The following MAP3K15 variants were observed in gnomAD, a reference collection of about 807,000 sequenced individuals.
MAP3K15 encodes MAPK/ERK kinase kinase 15.
A neutral mutation model predicts 99.5 loss-of-function variants in MAP3K15; 124 were observed. That is an observed-to-expected ratio of 1.25 (90% CI 1.08 to 1.45). The LOEUF (loss-of-function observed/expected upper bound fraction) is 1.45, where lower values mean the gene tolerates loss of function less well. Among genes scored for constraint, MAP3K15 ranks in the 40% most tolerant of loss-of-function variants. The probability of loss-of-function intolerance (pLI) is 0.00; values close to 1 mark genes in which losing one functional copy is unlikely to be tolerated. For synonymous variants in MAP3K15, 494 were observed against 439.6 expected, an observed-to-expected ratio of 1.12 and a Z score of -1.55; for missense variants, 1,242 against 1,079.7, an observed-to-expected ratio of 1.15 and a Z score of -2.11.
At chrX:19,411,681 GGAA>G (rs1356667501) in intron 11 of MAP3K15, among the ~76,000 whole-genome samples, 2 of 110,020 alleles carry the variant, frequency 1.8e-5, no homozygotes, top group Non-Finnish European at 3.8e-5. Flanking sequence ...CTAAAGTGGG[GGAA>G]GAAGGAAGCC....
At chrX:19,501,883 T>C (rs2147424130) in intron 1 of MAP3K15, among the ~76,000 whole-genome samples, 1 of 111,240 alleles carries the variant, frequency 9.0e-6, no homozygotes, top group Admixed American at 9.6e-5. Flanking sequence ...CTGGCCAACA[T>C]GGTGAAACCC....
chrX:19,402,556 A>G (rs1362027568), intron 13 of MAP3K15, among the ~76,000 whole-genome samples: 1 of 111,969 alleles, frequency 8.9e-6, no homozygotes, highest in Non-Finnish European at 1.9e-5. Context: ...AATAACCCCC[A>G]AACAGAAACA....
At chrX:19,462,093 A>C in intron 4 of MAP3K15, among the ~76,000 whole-genome samples, 1 of 111,220 alleles carries the variant, frequency 9.0e-6, no homozygotes, top group African/African-American at 3.3e-5. Context: ...TGTTCATTAA[A>C]AAGAGAGTAA....
chrX:19,361,041 G>A (rs2063279119), intron 28 of MAP3K15: 1 of 419,425 alleles, frequency 2.4e-6, no homozygotes, highest in African/African-American at 2.5e-5. Context: ...GGAACAAGAA[G>A]GCAGGCTGCA....
At chrX:19,463,473 C>T (rs182025773) in intron 4 of MAP3K15, among the ~76,000 whole-genome samples, 31 of 111,698 alleles carry the variant, frequency 2.8e-4, no homozygotes, top group Non-Finnish European at 5.3e-4. Flanking sequence ...ACACAACTTA[C>T]AGGAATAAAT....
intron 1 of MAP3K15, among the ~76,000 whole-genome samples, chrX:19,507,615 A>T (rs2064487771): frequency 9.8e-6 from 1 of 102,226 alleles, no homozygotes; most frequent in Admixed American, 1.1e-4. Flanking sequence ...AAAAAAGAAC[A>T]ACTAATATAA....
intron 25 of MAP3K15, among the ~76,000 whole-genome samples, chrX:19,364,875 AAG>A (rs1273118866): frequency 2.1e-5 from 2 of 97,028 alleles, no homozygotes; most frequent in African/African-American, 4.0e-5. Context: ...CCTGGGCAAC[AAG>A]AGCGAAACTC....
intron 6 of MAP3K15, among the ~76,000 whole-genome samples, chrX:19,450,371 G>A (rs1226773921): frequency 1.9e-5 from 2 of 108,030 alleles, no homozygotes; most frequent in African/African-American, 6.6e-5. Flanking sequence ...AAAGGGAGAG[G>A]AGACGAAAAA....
chrX:19,512,180 G>A (rs953014710), intron 1 of MAP3K15, among the ~76,000 whole-genome samples: 1 of 110,984 alleles, frequency 9.0e-6, no homozygotes, highest in African/African-American at 3.3e-5. Context: ...GTGGGGAGTG[G>A]GAGGGGAGGG....
chrX:19,362,214 A>G (rs1235664379), intron 26 of MAP3K15, among the ~76,000 whole-genome samples: 1 of 93,410 alleles, frequency 1.1e-5, no homozygotes, highest in East Asian at 3.7e-4. Context: ...GAATCATGGT[A>G]TGTGGCCTTT....
intron 6 of MAP3K15, among the ~76,000 whole-genome samples, chrX:19,442,704 T>C (rs1409946145): frequency 1.0e-5 from 1 of 99,996 alleles, no homozygotes; most frequent in Non-Finnish European, 2.0e-5. Context: ...TTTATTATTA[T>C]TATTATTATT....
chrX:19,471,350 C>T (rs939964586), intron 3 of MAP3K15, among the ~76,000 whole-genome samples: 80 of 110,446 alleles, frequency 7.2e-4, no homozygotes, highest in African/African-American at 2.5e-3. Flanking sequence ...CCACAACCTC[C>T]GTCTACCAGG....
At chrX:19,402,955 C>G (rs769469321) in intron 13 of MAP3K15, among the ~76,000 whole-genome samples, 1 of 111,872 alleles carries the variant, frequency 8.9e-6, no homozygotes, top group African/African-American at 3.2e-5. Flanking sequence ...TGTGGGCCAC[C>G]GTGCCCAGCT....
Position 19,373,530 on chromosome X carries a change from GT to G in MAP3K15, c.2933+5del. On this transcript the variant is annotated splice_donor_5th_base_variant and intron_variant, in intron 21 of 28. Transcript: ENST00000338883. The stretch of plus-strand genomic sequence containing the variant: ...CCCGCGGCAGACAGACAGAATACGG[GT>G]GTACCTGAGGAGGTGGCCAAGGTGG... 4.3e-6 allele frequency: 5 copies of G among 1,168,606 alleles called. No individual in the cohort carries two copies. Among genetic ancestry groups the G allele is most frequent in the Non-Finnish European group, 5.7e-6 (5 of 873,412 alleles).
Position 19,415,250 on chromosome X carries a change from G to A in MAP3K15, c.1447C>T (p.Arg483Ter), listed in dbSNP as rs748334805. 3.3e-5 allele frequency: 38 copies of A among 1,164,132 alleles called. No homozygotes were observed. The African/African-American group carries it at 3.6e-4, about 11-fold the overall frequency. Reference sequence around the variant, plus strand: ...AGTAACAAGTTCTGAACTAATGATCGCAGGTACCTGGAAAAATCACAAACA... The same window carrying A: ...AGTAACAAGTTCTGAACTAATGATCACAGGTACCTGGAAAAATCACAAACA... ...FKLKPPVWYL[R>*]SLVQNLLLIR... Residue 483 changes from arginine (R) to a stop codon, truncating the protein, a stop_gained, in exon 10 of 29, where the codon CGA (arginine) becomes TGA (stop). Transcript: ENST00000338883. LOFTEE classifies it high-confidence loss of function.
chrX:19,434,426 T>C (rs1425322519), intron 6 of MAP3K15, among the ~76,000 whole-genome samples: 2 of 104,259 alleles, frequency 1.9e-5, no homozygotes, highest in Non-Finnish European at 3.9e-5. Flanking sequence ...TAAGGAGAAA[T>C]GGGGTTTAAC....
chrX:19,392,088 T>C lies in MAP3K15; in HGVS notation c.2345A>G (p.Asn782Ser). 3.3e-6 allele frequency: 4 copies of C among 1,209,774 alleles called. No individual in the cohort carries two copies. The highest frequency in any genetic ancestry group is 3.4e-6 in the Non-Finnish European group (3 of 893,698). The change falls in exon 18 of 29, where the codon AAC becomes AGC. Residue 782 changes from asparagine to serine, a missense_variant. Coordinates refer to ENST00000338883, the MANE Select transcript of MAP3K15 (RefSeq NM_001001671.4). ...GATTTTCACCACTCCGCTGTAGGTG[T>C]TCACCAGAACATTATCGCCCTTCGG... is the stretch of plus-strand genomic sequence containing the variant. Reference protein sequence around the residue: ...RDIKGDNVLVNTYSGVVKISD... With the variant: ...RDIKGDNVLVSTYSGVVKISD...
Position 19,514,984 on chromosome X carries a change from G to A in MAP3K15, c.278C>T (p.Ala93Val). The A allele has an allele frequency of 1.8e-6, 2 of 1,124,984 alleles. No individual in the cohort carries two copies. The highest frequency in any genetic ancestry group is 2.3e-6 in the Non-Finnish European group (2 of 858,440). 92.7% of individuals were successfully genotyped at this position (1,124,984 alleles called of 1,213,427 possible). Residue 93 changes from alanine (A) to valine (V), a missense_variant, in exon 1 of 29, where the codon GCC becomes GTC. By Grantham distance (64) the Ala-to-Val change is moderately conservative. Coordinates refer to ENST00000338883, the MANE Select transcript of MAP3K15 (RefSeq NM_001001671.4). The part of the protein sequence containing the change: ...ARQCLLRACE[A>V]EGAHLTSVPF... ...CACGGAGGTGAGGTGAGCGCCCTCG[G>A]CCTCGCAGGCCCGCAGCAGGCACTG...
chrX:19,479,602 A>G (rs1034884036), intron 3 of MAP3K15, among the ~76,000 whole-genome samples: 2 of 112,429 alleles, frequency 1.8e-5, no homozygotes, highest in Admixed American at 1.9e-4. Context: ...ATCCTTGCTA[A>G]GGAAAATTAA....
Sources: allele counts gnomAD v4.1 joint callset (sites outside exome capture counted in the v4.1 genomes callset), GRCh38; gene constraint gnomAD v4.1.1; transcripts MANE v1.5; gene names NCBI Gene and HGNC (gene_info 2026-07-23, HGNC 2026-07-21).